Variants in CELF2 observed in about 807,000 individuals in gnomAD.
CELF2 encodes the protein CUGBP Elav-like family member 2.
CELF2 carries 8 observed loss-of-function variants against 62.6 expected under a neutral mutation model. The ratio of observed to expected loss-of-function variants is 0.13; its 90% CI spans 0.07 to 0.23. The LOEUF is 0.23. Ranked by LOEUF, CELF2 falls within the 10% of genes least tolerant of loss-of-function variation. The pLI, the probability that CELF2 is intolerant of heterozygous loss-of-function variation, is 1.00. For synonymous variants in CELF2, 258 were observed against 250.0 expected, an observed-to-expected ratio of 1.03 and a Z score of -0.30; for missense variants, 333 against 671.0, an observed-to-expected ratio of 0.50 and a Z score of 5.56.
chr10:10,487,402 T>C, the CELF2 span, among the ~76,000 whole-genome samples: 2 of 152,216 alleles, frequency 1.3e-5, no homozygotes, highest in African/African-American at 4.8e-5. Context: ...GCAGCCTGGT[T>C]GATTTTGTCT....
chr10:10,953,293 AC>A (rs2048525025), intron 2 of CELF2, among the ~76,000 whole-genome samples: 2 of 152,216 alleles, frequency 1.3e-5, no homozygotes, highest in South Asian at 4.1e-4. Context: ...TTCACTCTAT[AC>A]CATCTATAAT....
Position 11,217,702 on chromosome 10 carries a change from G to C in CELF2, c.354+195G>C, listed in dbSNP as rs563308633. 8.6e-4 allele frequency among the ~76,000 whole-genome samples: 131 copies of C among 152,202 alleles called. 1 individual carries two copies. Among genetic ancestry groups the C allele is most frequent in the Middle Eastern group, 3.4e-3 (1 of 294 alleles). On this transcript the variant is annotated intron_variant, in intron 3 of 12. Transcript: ENST00000633077. This position sits in a 1 kb window ranked among gnomAD's most constrained non-coding sequence, Gnocchi z 5.6. ...AAGGAGCGCTGGCATTAACACTGAC[G>C]GGAAGCATTCTCAAATAGTGCATCC...
upstream of CELF2, among the ~76,000 whole-genome samples, chr10:10,793,780 A>G (rs918554275): frequency 3.3e-5 from 5 of 152,192 alleles, no homozygotes; most frequent in Non-Finnish European, 5.9e-5. Flanking sequence ...TTGAAGAACA[A>G]ATAAATTTAT....
chr10:11,006,281 A>G (rs1016540), intron 1 of CELF2, among the ~76,000 whole-genome samples: 52,259 of 151,960 alleles, frequency 0.34, 10,502 homozygotes, highest in East Asian at 0.71. Context: ...TTTATCTCCT[A>G]TAATCTTGTT....
intron 1 of CELF2, among the ~76,000 whole-genome samples, chr10:10,881,570 G>C (rs905487231): frequency 3.3e-5 from 5 of 152,144 alleles, no homozygotes; most frequent in Admixed American, 6.6e-5. Flanking sequence ...ATGTAACTCA[G>C]ATTTCCTTTC....
the CELF2 span, among the ~76,000 whole-genome samples, chr10:10,735,399 C>T: frequency 6.6e-6 from 1 of 152,156 alleles, no homozygotes; most frequent in Non-Finnish European, 1.5e-5. Context: ...AAAAAAATTT[C>T]AGCATAAACA....
At chr10:11,119,864 T>TCCCCCCCCCCC (rs57433204) in intron 1 of CELF2, among the ~76,000 whole-genome samples, 4 of 112,106 alleles carry the variant, frequency 3.6e-5, no homozygotes, top group Admixed American at 8.9e-5. Context: ...TGATTCCGCC[T>TCCCCCCCCCCC]CCCCCCCCCC....
intron 2 of CELF2, among the ~76,000 whole-genome samples, chr10:11,168,393 A>G (rs1160459853): frequency 6.6e-6 from 1 of 152,210 alleles, no homozygotes; most frequent in East Asian, 1.9e-4. Flanking sequence ...CTGTATAATG[A>G]CATTGCTCTC....
Position 11,118,446 on chromosome 10 carries a change from T to C in CELF2, c.75-47040T>C, listed in dbSNP as rs762253006. On this transcript the variant is annotated intron_variant, in intron 1 of 12. Coordinates refer to ENST00000633077, the MANE Select transcript of CELF2 (RefSeq NM_001326342.2). ...CCTCCCAAAGTGCTGGGATTACAAG[T>C]GTGAGCCCCCATGTGCCTTGCCCCC... is the stretch of plus-strand genomic sequence containing the variant. 2.2e-4 allele frequency among the ~76,000 whole-genome samples: 34 copies of C among 152,024 alleles called. 1 individual carries two copies. The highest frequency in any genetic ancestry group is 1.5e-3 in the Admixed American group (23 of 15,288).
the CELF2 span, among the ~76,000 whole-genome samples, chr10:10,565,282 C>A: frequency 6.6e-6 from 1 of 152,190 alleles, no homozygotes; most frequent in South Asian, 2.1e-4. Context: ...ATGTTAAGAG[C>A]AATGTTGACC....
intron 1 of CELF2, among the ~76,000 whole-genome samples, chr10:10,900,796 A>T (rs2062882583): frequency 6.6e-6 from 1 of 152,236 alleles, no homozygotes; most frequent in South Asian, 2.1e-4. Context: ...GTCTTTCTGC[A>T]GACAGCATGA....
intron 1 of CELF2, among the ~76,000 whole-genome samples, chr10:11,047,360 T>C (rs2063054166): frequency 6.6e-6 from 1 of 152,154 alleles, no homozygotes; most frequent in East Asian, 1.9e-4. Flanking sequence ...AGGGTCTCTA[T>C]GGCAAAAAGA....
At chr10:11,004,766 A>G (rs978950896), upstream of CELF2, among the ~76,000 whole-genome samples, 2 of 152,112 alleles carry the variant, frequency 1.3e-5, no homozygotes, top group South Asian at 2.1e-4. The surrounding 1 kb of genome is among the most constrained non-coding windows in gnomAD (Gnocchi z 5.0). Flanking sequence ...CTATGCATCT[A>G]TGACTCAGGG....
the CELF2 span, among the ~76,000 whole-genome samples, chr10:10,757,970 T>G: frequency 1.3e-5 from 2 of 152,208 alleles, no homozygotes; most frequent in South Asian, 2.1e-4. Context: ...TGTTTGTGGT[T>G]GGGTTCAGGG....
At chr10:10,929,830 C>G (rs553405536) in intron 2 of CELF2, among the ~76,000 whole-genome samples, 1 of 152,210 alleles carries the variant, frequency 6.6e-6, no homozygotes, top group Non-Finnish European at 1.5e-5. Context: ...ATATAACCCT[C>G]AAATTCAGAG....
intron 2 of CELF2, among the ~76,000 whole-genome samples, chr10:10,978,034 G>GTTTTTTTT (rs527485788): frequency 8.2e-6 from 1 of 121,788 alleles, no homozygotes; most frequent in African/African-American, 3.4e-5. Flanking sequence ...GTTTTTTTTT[G>GTTTTTTTT]TTTTTTGTTT....
upstream of CELF2, among the ~76,000 whole-genome samples, chr10:10,797,981 C>A (rs1274829372): frequency 6.6e-6 from 1 of 151,882 alleles, no homozygotes; most frequent in African/African-American, 2.4e-5. Flanking sequence ...ACAAGATACA[C>A]AAGGTGGGGG....
the CELF2 span, among the ~76,000 whole-genome samples, chr10:10,550,601 T>C: frequency 6.6e-6 from 1 of 152,250 alleles, no homozygotes; most frequent in African/African-American, 2.4e-5. Context: ...GATTGGATCT[T>C]GCAATGAGTT....
At chr10:11,025,207 A>ATATGTG (rs1554779112) in intron 1 of CELF2, among the ~76,000 whole-genome samples, 4 of 141,146 alleles carry the variant, frequency 2.8e-5, no homozygotes, top group African/African-American at 1.0e-4. Context: ...ATATACATAT[A>ATATGTG]TGTGTGTGTG....
Sources: allele counts gnomAD v4.1 joint callset (sites outside exome capture counted in the v4.1 genomes callset), GRCh38; gene constraint gnomAD v4.1.1; non-coding constraint Gnocchi (gnomAD v3.1); transcripts MANE v1.5; gene names NCBI Gene and HGNC (gene_info 2026-07-23, HGNC 2026-07-21).